The following USP25 variants were observed in gnomAD, a reference collection of about 807,000 sequenced individuals.
USP25 encodes the protein ubiquitin specific peptidase 25.
USP25 carries 85 observed loss-of-function variants against 158.5 expected under a neutral mutation model. That is an observed-to-expected ratio of 0.54 (90% CI 0.45 to 0.64). USP25 has a LOEUF of 0.64. Among genes scored for constraint, USP25 ranks in the 30% least tolerant of loss-of-function variants. USP25 has a pLI of 0.00. For synonymous variants in USP25, 464 were observed against 460.4 expected, an observed-to-expected ratio of 1.01 and a Z score of -0.10; for missense variants, 1,242 against 1,327.3, an observed-to-expected ratio of 0.94 and a Z score of 1.00.
intron 23 of USP25, 77 bp from the exon 24 acceptor site, chr21:15,874,326 A>G: frequency 7.7e-7 from 1 of 1,305,450 alleles, no homozygotes; most frequent in East Asian, 2.4e-5. Flanking sequence ...TATACTTAAA[A>G]TGTTTCATAA....
chr21:15,740,089 A>C (rs1449114253), intron 1 of USP25, among the ~76,000 whole-genome samples: 1 of 152,194 alleles, frequency 6.6e-6, no homozygotes. Context: ...GGTTTAGATC[A>C]GTTTCGTATA....
At chr21:15,742,842 TC>T (rs1443421020) in intron 1 of USP25, among the ~76,000 whole-genome samples, 2 of 152,166 alleles carry the variant, frequency 1.3e-5, no homozygotes, top group Non-Finnish European at 2.9e-5. Context: ...TCTCAGCTGA[TC>T]CCCAGCCCAG....
chr21:15,805,346 T>G, intron 7 of USP25, 88 bp downstream of exon 7: 1 of 1,246,866 alleles, frequency 8.0e-7, no homozygotes, highest in Non-Finnish European at 1.0e-6. Context: ...TGAGACTATT[T>G]GAGATGCATG....
rs530363766 is a variant in USP25, at chr21:15,844,423, G to A, written c.2337+1883G>A. ...TCAGTCTTCTTTTCCATAAAATGAA[G>A]GTAATTGTAGGATTAGTCAAGAGCA... On this transcript the variant is annotated intron_variant, in intron 18 of 25. Transcript: ENST00000400183. Among the ~76,000 whole-genome samples the A allele has an allele frequency of 1.1e-4, 17 of 152,218 alleles. No homozygotes were observed. The East Asian group carries it at 2.9e-3, about 26-fold the overall frequency.
chr21:15,760,450 C>T (rs968833620), intron 1 of USP25, among the ~76,000 whole-genome samples: 2 of 152,150 alleles, frequency 1.3e-5, no homozygotes, highest in African/African-American at 2.4e-5. Context: ...AAAGACACTC[C>T]AGAGTATTGA....
At chr21:15,834,778 A>G (rs2037981179) in intron 17 of USP25, among the ~76,000 whole-genome samples, 2 of 152,216 alleles carry the variant, frequency 1.3e-5, no homozygotes, top group Admixed American at 6.5e-5. Flanking sequence ...TTTGGATACT[A>G]CAGTGCTATG....
At chr21:15,864,523 G>T (rs2039573848) in intron 21 of USP25, 77 bp downstream of exon 21, 6 of 1,352,204 alleles carry the variant, frequency 4.4e-6, no homozygotes, top group South Asian at 1.5e-5. Context: ...ATAATTTTTT[G>T]AGTATTTATT....
At chr21:15,794,661 T>G (rs149108755) in intron 5 of USP25, among the ~76,000 whole-genome samples, 6 of 151,678 alleles carry the variant, frequency 4.0e-5, no homozygotes, top group African/African-American at 1.4e-4. Flanking sequence ...ACTCCTATTG[T>G]AGATCTGTTG....
At chr21:15,868,139 A>C (rs1338072724) in intron 22 of USP25, among the ~76,000 whole-genome samples, 1 of 152,226 alleles carries the variant, frequency 6.6e-6, no homozygotes, top group Non-Finnish European at 1.5e-5. Flanking sequence ...TTTATTCCAT[A>C]TGCAAAAATT....
intron 1 of USP25, among the ~76,000 whole-genome samples, chr21:15,757,817 A>G (rs1053851189): frequency 2.0e-5 from 3 of 152,210 alleles, no homozygotes; most frequent in Admixed American, 1.3e-4. Flanking sequence ...TGAGGAAGTA[A>G]AAGTGGCAAA....
intron 5 of USP25, among the ~76,000 whole-genome samples, chr21:15,798,435 T>C (rs2035968085): frequency 6.6e-6 from 1 of 151,190 alleles, no homozygotes; most frequent in African/African-American, 2.4e-5. Flanking sequence ...TTTTCAAAAC[T>C]CTTTTTCTTT....
chr21:15,849,778 T>C lies in USP25; in HGVS notation c.2453T>C (p.Ile818Thr). The C allele has an allele frequency of 6.5e-7, 1 of 1,532,090 alleles. No individual in the cohort carries two copies. The highest frequency in any genetic ancestry group is 1.4e-5 in the African/African-American group (1 of 72,258). The allele number at this position is 1,532,090 out of a possible 1,614,324, so 94.9% of individuals were successfully genotyped here. A position where few individuals can be genotyped will look rare whatever the true frequency, so the allele number is the denominator to read the frequency against. Residue 818 changes from isoleucine to threonine, a missense_variant and splice_region_variant, in exon 20 of 26, where the codon ATC becomes ACC. Physicochemically the swap from Ile to Thr is moderately conservative, Grantham distance 89 (BLOSUM62 -1). Coordinates refer to ENST00000400183, the MANE Select transcript of USP25 (RefSeq NM_001283041.3). ...AATGTTAACTATCTTCTGTGGCAGA[T>C]CATGATGACACCGAACATGCAAGGT... is the stretch of plus-strand genomic sequence containing the variant. ...ESKEGGYDDE[I>T]MMTPNMQGII...
chr21:15,864,798 A>G (rs1350093065), intron 21 of USP25, among the ~76,000 whole-genome samples: 1 of 152,154 alleles, frequency 6.6e-6, no homozygotes, highest in African/African-American at 2.4e-5. Context: ...TGATTGTAGG[A>G]TATTTAATAA....
chr21:15,805,933 G>A (rs1251620002), intron 7 of USP25, among the ~76,000 whole-genome samples: 2 of 152,162 alleles, frequency 1.3e-5, no homozygotes, highest in Admixed American at 1.3e-4. Flanking sequence ...TACATACTTG[G>A]ATGTGTCTCT....
At chr21:15,776,373 G>T (rs1393255400) in intron 3 of USP25, among the ~76,000 whole-genome samples, 1 of 151,222 alleles carries the variant, frequency 6.6e-6, no homozygotes, top group African/African-American at 2.4e-5. Flanking sequence ...CCATGATCAG[G>T]TATTCTTTCT....
intron 6 of USP25, among the ~76,000 whole-genome samples, chr21:15,802,280 T>C (rs2036171337): frequency 6.6e-6 from 1 of 151,638 alleles, no homozygotes; most frequent in Non-Finnish European, 1.5e-5. Flanking sequence ...ATGGGTTTAG[T>C]TGAGTACCAT....
chr21:15,814,998 A>G (rs905209973), intron 9 of USP25, among the ~76,000 whole-genome samples: 2 of 152,120 alleles, frequency 1.3e-5, no homozygotes, highest in African/African-American at 4.8e-5. Flanking sequence ...GGAGGAAAAA[A>G]TAGTTTCGTG....
At chr21:15,862,442 A>T (rs570996387) in intron 20 of USP25, among the ~76,000 whole-genome samples, 1 of 152,038 alleles carries the variant, frequency 6.6e-6, no homozygotes, top group Non-Finnish European at 1.5e-5. Context: ...GGGATACTCA[A>T]CCTGTAGCCT....
At chr21:15,838,365 A>C (rs77444942) in intron 17 of USP25, among the ~76,000 whole-genome samples, 4,222 of 152,200 alleles carry the variant, frequency 0.028, 202 homozygotes, top group African/African-American at 0.094. Flanking sequence ...GGTGATCCTC[A>C]GTGTAGGAGA....
Sources: allele counts gnomAD v4.1 joint callset (sites outside exome capture counted in the v4.1 genomes callset), GRCh38; gene constraint gnomAD v4.1.1; transcripts MANE v1.5; gene names NCBI Gene and HGNC (gene_info 2026-07-23, HGNC 2026-07-21).